The following OR6N1 variants were observed in gnomAD, a reference collection of about 807,000 sequenced individuals.
OR6N1 encodes olfactory receptor 6N1.
For missense variants in OR6N1, 394 were observed against 371.7 expected (o/e 1.06, Z -0.49); for synonymous variants, 170 against 150.7 (o/e 1.13, Z -0.94).
chr1:158,814,797 C>A, the OR6N1 span, among the ~76,000 whole-genome samples: 115 of 152,264 alleles, frequency 7.6e-4, no homozygotes, highest in African/African-American at 2.5e-3. Flanking sequence ...TATAGCATAA[C>A]CTAATGTCTT....
chr1:158,821,392 G>A, the OR6N1 span, among the ~76,000 whole-genome samples: 1 of 152,074 alleles, frequency 6.6e-6, no homozygotes, highest in African/African-American at 2.4e-5. Context: ...TTACACAAAT[G>A]AAAAATGACA....
the OR6N1 span, among the ~76,000 whole-genome samples, chr1:158,800,706 C>G: frequency 6.6e-6 from 1 of 152,158 alleles, no homozygotes; most frequent in Non-Finnish European, 1.5e-5. Context: ...CAAAGTCATC[C>G]CTGCATTTGG....
At chr1:158,776,044 G>A (rs924270391), upstream of OR6N1, 9 of 151,644 alleles carry the variant, frequency 5.9e-5, no homozygotes. Flanking sequence ...AAATCCATAA[G>A]AATAACTCCG....
the OR6N1 span, among the ~76,000 whole-genome samples, chr1:158,829,064 T>C: frequency 6.6e-6 from 1 of 152,188 alleles, no homozygotes; most frequent in East Asian, 1.9e-4. Context: ...ACCCTGGGCC[T>C]GGCCCGTGAA....
chr1:158,800,017 G>T, the OR6N1 span, among the ~76,000 whole-genome samples: 5 of 152,070 alleles, frequency 3.3e-5, no homozygotes, highest in Admixed American at 1.3e-4. Context: ...ACTGGAAAGC[G>T]TTAGAAAACG....
the OR6N1 span, among the ~76,000 whole-genome samples, chr1:158,829,663 G>A: frequency 0.085 from 13,011 of 152,214 alleles, 659 homozygotes; most frequent in East Asian, 0.12. Flanking sequence ...CTGTTACCCA[G>A]TTTTAAAGTT....
chr1:158,776,659 T>G (rs1164976527), upstream of OR6N1: 1 of 1,397,722 alleles, frequency 7.2e-7, no homozygotes, highest in Non-Finnish European at 9.9e-7. Context: ...AACATTGAGG[T>G]GAGAAAGGAC....
the OR6N1 span, among the ~76,000 whole-genome samples, chr1:158,806,848 C>T: frequency 6.3e-4 from 96 of 151,820 alleles, 1 homozygote; most frequent in African/African-American, 2.2e-3. Context: ...TAGTTCAGGT[C>T]CTGCTTTCCT....
the OR6N1 span, among the ~76,000 whole-genome samples, chr1:158,779,992 T>C: frequency 6.6e-6 from 1 of 152,216 alleles, no homozygotes; most frequent in Non-Finnish European, 1.5e-5. Context: ...CATAGAATTG[T>C]GAAATCAATT....
chr1:158,816,118 A>G, the OR6N1 span, among the ~76,000 whole-genome samples: 1 of 150,786 alleles, frequency 6.6e-6, no homozygotes, highest in Non-Finnish European at 1.5e-5. Context: ...AGATGGCACC[A>G]CTGCACTCCA....
the OR6N1 span, among the ~76,000 whole-genome samples, chr1:158,803,538 C>A: frequency 6.6e-6 from 1 of 152,208 alleles, no homozygotes; most frequent in South Asian, 2.1e-4. Flanking sequence ...CTTTAATACT[C>A]ATTTTTATTC....
the OR6N1 span, among the ~76,000 whole-genome samples, chr1:158,786,257 C>T: frequency 2.6e-5 from 4 of 152,130 alleles, no homozygotes; most frequent in African/African-American, 9.7e-5. Context: ...CTCAACATTG[C>T]TAATTATCAG....
chr1:158,813,149 T>C, the OR6N1 span, among the ~76,000 whole-genome samples: 28 of 152,342 alleles, frequency 1.8e-4, no homozygotes, highest in African/African-American at 6.5e-4. Flanking sequence ...GGAGCAGACC[T>C]TTTTATGCAT....
the OR6N1 span, among the ~76,000 whole-genome samples, chr1:158,798,990 C>A: frequency 6.6e-6 from 1 of 152,164 alleles, no homozygotes; most frequent in South Asian, 2.1e-4. Flanking sequence ...TCCAGTCCCA[C>A]CAATTGGAGT....
At chr1:158,813,343 AT>A in the OR6N1 span, among the ~76,000 whole-genome samples, 1,154 of 152,278 alleles carry the variant, frequency 7.6e-3, 17 homozygotes, top group African/African-American at 0.026. Flanking sequence ...GCTTTTTGTA[AT>A]AGAAGACTGG....
the OR6N1 span, among the ~76,000 whole-genome samples, chr1:158,786,724 T>A: frequency 1.3e-5 from 2 of 152,216 alleles, no homozygotes; most frequent in African/African-American, 4.8e-5. Flanking sequence ...TTGAGACCAT[T>A]ATTCTAGTAA....
the OR6N1 span, among the ~76,000 whole-genome samples, chr1:158,814,096 C>T: frequency 2.0e-5 from 3 of 152,078 alleles, no homozygotes; most frequent in African/African-American, 7.2e-5. Context: ...TAGTTAAATG[C>T]TTCTTGTCCC....
chr1:158,786,921 A>C, the OR6N1 span, among the ~76,000 whole-genome samples: 4 of 152,190 alleles, frequency 2.6e-5, no homozygotes, highest in Admixed American at 1.3e-4. Context: ...GGTGCACCAA[A>C]ATCTCAGAAA....
chr1:158,788,471 T>A, the OR6N1 span, among the ~76,000 whole-genome samples: 1 of 152,132 alleles, frequency 6.6e-6, no homozygotes, highest in Non-Finnish European at 1.5e-5. Flanking sequence ...ATCTTTACTA[T>A]TTTTGCTTAT....
Sources: gnomAD v4.1 joint callset for allele counts (sites outside exome capture counted in the v4.1 genomes callset) on GRCh38, gnomAD v4.1.1 for gene constraint, MANE v1.5 for transcripts, NCBI Gene and HGNC (gene_info 2026-07-23, HGNC 2026-07-21) for gene names.